MALRD1: variants seen among roughly 807,000 people sequenced by gnomAD.
The protein encoded by MALRD1 is MAM and LDL-receptor class A domain-containing protein 1.
Under a neutral mutation model 242.1 loss-of-function variants are expected in MALRD1, and 247 were observed. The ratio of observed to expected loss-of-function variants is 1.02; its 90% CI spans 0.92 to 1.13. MALRD1 has a LOEUF of 1.13. MALRD1 is among the 50% of genes most tolerant of loss of function. The pLI, the probability that MALRD1 is intolerant of heterozygous loss-of-function variation, is 0.00. For missense variants in MALRD1, 2,989 were observed against 2,533.1 expected (o/e 1.18, Z -3.86); for synonymous variants, 995 against 866.6 (o/e 1.15, Z -2.60).
chr10:19,519,420 A>G lies in MALRD1; in HGVS notation c.5321-11774A>G, dbSNP rs920118700. On this transcript the variant is annotated intron_variant, in intron 31 of 39. Coordinates refer to ENST00000454679, the MANE Select transcript of MALRD1 (RefSeq NM_001142308.3). ...GTTATTAATATTACTAATATTTCATATACTCATTATATACTTTGAAAAATC... is the reference window on the plus strand; with the variant it reads ...GTTATTAATATTACTAATATTTCATGTACTCATTATATACTTTGAAAAATC... Among the ~76,000 whole-genome samples, 4 of 152,174 alleles carry G rather than the reference A, an allele frequency of 2.6e-5. No individual in the cohort carries two copies. In the East Asian group the frequency reaches 7.7e-4, roughly 29 times the overall value.
chr10:19,240,337 A>C (rs778134508), intron 18 of MALRD1, among the ~76,000 whole-genome samples: 8 of 152,068 alleles, frequency 5.3e-5, no homozygotes, highest in Non-Finnish European at 1.0e-4. Context: ...GATTTTGTAT[A>C]CTACAACTTT....
chr10:19,216,310 G>A (rs923675867), intron 18 of MALRD1, among the ~76,000 whole-genome samples: 2 of 151,518 alleles, frequency 1.3e-5, no homozygotes, highest in African/African-American at 2.4e-5. Context: ...TGGAGACAAG[G>A]TTTCACCATA....
In MALRD1 at chr10:19,372,425, A is replaced by G. The variant is rs114230313; in HGVS notation, c.4442-15103A>G. ...AAAATGATTTTATCCAAAGTGTACC[A>G]TAGAGTTAGTGTAGGATGAGACATA... On this transcript the variant is annotated intron_variant, in intron 26 of 39. Transcript: ENST00000454679. Among the ~76,000 whole-genome samples, 504 of 152,254 alleles carry G rather than the reference A, an allele frequency of 3.3e-3. 4 individuals are homozygous for G. The highest frequency in any genetic ancestry group is 0.011 in the African/African-American group (444 of 41,552).
intron 19 of MALRD1, among the ~76,000 whole-genome samples, chr10:19,275,537 C>T (rs776024233): frequency 5.3e-5 from 8 of 152,138 alleles, no homozygotes; most frequent in Non-Finnish European, 7.3e-5. Flanking sequence ...GGCGTGGTGG[C>T]GGGCGCCTGT....
intron 21 of MALRD1, among the ~76,000 whole-genome samples, chr10:19,294,329 C>T (rs1250617644): frequency 1.3e-5 from 2 of 152,082 alleles, no homozygotes; most frequent in African/African-American, 4.8e-5. Flanking sequence ...ACTTGATTCC[C>T]TGTAGTGAGG....
At chr10:19,507,128 C>T (rs1833177538) in intron 31 of MALRD1, among the ~76,000 whole-genome samples, 1 of 152,048 alleles carries the variant, frequency 6.6e-6, no homozygotes. Context: ...AGAGAACTCA[C>T]TCTCACAAAG....
At chr10:19,571,993 A>G (rs992704439) in intron 33 of MALRD1, among the ~76,000 whole-genome samples, 4 of 152,120 alleles carry the variant, frequency 2.6e-5, no homozygotes, top group Non-Finnish European at 4.4e-5. Flanking sequence ...TGTCGTTTTT[A>G]CCACCACCAC....
chr10:19,452,800 A>G (rs1412057326), intron 29 of MALRD1, among the ~76,000 whole-genome samples: 1 of 152,170 alleles, frequency 6.6e-6, no homozygotes, highest in Non-Finnish European at 1.5e-5. Context: ...GGTATTTAGC[A>G]AAACACGTCA....
chr10:19,540,447 A>G (rs1029319916), intron 32 of MALRD1, among the ~76,000 whole-genome samples: 1 of 152,196 alleles, frequency 6.6e-6, no homozygotes, highest in African/African-American at 2.4e-5. Context: ...CCATAATAAG[A>G]TAACACAGCA....
At chr10:19,123,452 C>T (rs1353558540) in intron 5 of MALRD1, 40 bp from the exon 6 acceptor site, 1 of 1,128,466 alleles carries the variant, frequency 8.9e-7, no homozygotes, top group Non-Finnish European at 1.1e-6. Flanking sequence ...TTTCCAGTTG[C>T]ACCTGCATTT....
At chr10:19,322,432 C>T (rs1006179495) in intron 21 of MALRD1, among the ~76,000 whole-genome samples, 1 of 152,082 alleles carries the variant, frequency 6.6e-6, no homozygotes, top group South Asian at 2.1e-4. Flanking sequence ...TATATAACCA[C>T]AAATTACAAC....
intron 32 of MALRD1, among the ~76,000 whole-genome samples, chr10:19,538,744 A>G (rs1211769096): frequency 6.6e-6 from 1 of 152,102 alleles, no homozygotes; most frequent in African/African-American, 2.4e-5. Flanking sequence ...CACAATTTAT[A>G]CTTTTCGTAA....
At chr10:19,687,726 A>G (rs1842635016) in intron 36 of MALRD1, among the ~76,000 whole-genome samples, 1 of 152,152 alleles carries the variant, frequency 6.6e-6, no homozygotes, top group South Asian at 2.1e-4. Flanking sequence ...GTTGGTACAA[A>G]ACTAATTTCG....
chr10:19,566,298 A>ATTTTT (rs10548629), intron 32 of MALRD1, among the ~76,000 whole-genome samples: 11 of 111,046 alleles, frequency 9.9e-5, no homozygotes, highest in South Asian at 3.2e-4. Flanking sequence ...TGCCTGGCTA[A>ATTTTT]TTTTTTTTTT....
At chr10:19,185,012 A>G (rs527896171) in intron 14 of MALRD1, among the ~76,000 whole-genome samples, 35 of 152,346 alleles carry the variant, frequency 2.3e-4, no homozygotes, top group Middle Eastern at 6.8e-3. Flanking sequence ...AATACTATTT[A>G]TAAGTTCCTA....
chr10:19,568,351 G>T (rs974867078), intron 33 of MALRD1, among the ~76,000 whole-genome samples: 1 of 148,644 alleles, frequency 6.7e-6, no homozygotes, highest in Admixed American at 6.6e-5. Flanking sequence ...TTTTGTTGTT[G>T]TTGTTGTTGT....
At chr10:19,277,215 C>T (rs919598134) in intron 19 of MALRD1, among the ~76,000 whole-genome samples, 2 of 152,118 alleles carry the variant, frequency 1.3e-5, no homozygotes, top group Non-Finnish European at 2.9e-5. Context: ...TGTGAGCCAC[C>T]ACACCTGGTG....
chr10:19,485,806 A>G (rs1461076216), intron 29 of MALRD1, among the ~76,000 whole-genome samples: 2 of 152,118 alleles, frequency 1.3e-5, no homozygotes, highest in African/African-American at 4.8e-5. Context: ...TTACATAACT[A>G]CTTCCAATTA....
chr10:19,148,791 AT>A lies in MALRD1; in HGVS notation c.1558+2448del, dbSNP rs869166948. ...GGCCAATTAAAAAAAAAAAAAAAAT[AT>A]ATATATATATATATATATCTGGATC... On this transcript the variant is annotated intron_variant, in intron 11 of 39. Transcript: ENST00000454679. Among the ~76,000 whole-genome samples the A allele has an allele frequency of 2.0e-3, 170 of 84,446 alleles. 3 individuals are homozygous for A. In the East Asian group the frequency reaches 0.041, roughly 20 times the overall value. The allele number at this position is 84,446 out of a possible 152,430, so 55.4% of individuals were successfully genotyped here. A position where few individuals can be genotyped will look rare whatever the true frequency, so the allele number is the denominator to read the frequency against.
Sources: allele counts gnomAD v4.1 joint callset (sites outside exome capture counted in the v4.1 genomes callset), GRCh38; gene constraint gnomAD v4.1.1; transcripts MANE v1.5; gene names NCBI Gene and HGNC (gene_info 2026-07-23, HGNC 2026-07-21).